FBN3: variants seen among roughly 807,000 people sequenced by gnomAD.
The protein encoded by FBN3 is fibrillin-3.
FBN3 carries 234 observed loss-of-function variants against 330.1 expected under a neutral mutation model. That is an observed-to-expected ratio of 0.71 (90% CI 0.64 to 0.79). The LOEUF is 0.79. Among genes scored for constraint, FBN3 ranks in the 30% least tolerant of loss-of-function variants. The pLI is 0.00. For missense variants in FBN3, 3,606 were observed against 3,886.9 expected (o/e 0.93, Z 1.92); for synonymous variants, 1,458 against 1,517.3 (o/e 0.96, Z 0.91).
chr19:8,124,520 G>C (rs2144918905), intron 22 of FBN3, among the ~76,000 whole-genome samples: 1 of 147,770 alleles, frequency 6.8e-6, no homozygotes, highest in East Asian at 2.0e-4. Context: ...TTACAGGTGT[G>C]AGCTACCGTG....
rs369311659 is a variant in FBN3, at chr19:8,086,465, A to ATTT, written c.6755-141_6755-140insAAA. The ATTT allele has an allele frequency of 5.1e-3, 1,452 of 287,506 alleles. 22 individuals carry two copies. The highest frequency in any genetic ancestry group is 0.024 in the African/African-American group (985 of 41,496). 17.8% of individuals were successfully genotyped at this position (287,506 alleles called of 1,614,324 possible). ...ATTTATTTTTATTATTATTATTATT[A>ATTT]TTATTTTTTGAGACAGAGTCTCGCT... On this transcript the variant is annotated intron_variant, in intron 54 of 63. Coordinates refer to ENST00000600128, the MANE Select transcript of FBN3 (RefSeq NM_032447.5).
Position 8,103,567 on chromosome 19 carries a change from C to A in FBN3, c.4934G>T (p.Cys1645Phe). ...EYLQVNGGNNCMDMRKSVCFR... is the reference protein window; with the variant it reads ...EYLQVNGGNNFMDMRKSVCFR... ...TAGGTCATCACGCTTCTTACCCATG[C>A]AGTTGTTGCCACCATTGACTTGGAG... The change falls in exon 39 of 64, where the codon TGC (cysteine) becomes TTC (phenylalanine). Residue 1645 changes from cysteine to phenylalanine, a missense_variant. Transcript: ENST00000600128. The A allele has an allele frequency of 6.2e-7, 1 of 1,613,088 alleles. No homozygotes were observed. Among genetic ancestry groups the A allele is most frequent in the Non-Finnish European group, 8.5e-7 (1 of 1,179,398 alleles).
At chr19:8,127,617 G>A (rs1254911585) in intron 18 of FBN3, among the ~76,000 whole-genome samples, 2 of 152,126 alleles carry the variant, frequency 1.3e-5, no homozygotes, top group Non-Finnish European at 2.9e-5. Context: ...CCTTCTCCTC[G>A]GGCTTGATCA....
intron 5 of FBN3, 151 bp from the exon 6 acceptor site, chr19:8,145,123 G>A (rs947596596): frequency 5.7e-5 from 40 of 697,704 alleles, no homozygotes; most frequent in Non-Finnish European, 7.5e-5. Context: ...CCTGTAATCC[G>A]AGCGCTTTGG....
At chr19:8,084,869 TG>T in intron 56 of FBN3, among the ~76,000 whole-genome samples, 1 of 151,812 alleles carries the variant, frequency 6.6e-6, no homozygotes, top group South Asian at 2.1e-4. Flanking sequence ...ATTACAAGTG[TG>T]AGCCACTGTG....
At chr19:8,089,811 C>A in intron 50 of FBN3, 83 bp downstream of exon 50, 1 of 1,533,450 alleles carries the variant, frequency 6.5e-7, no homozygotes, top group Non-Finnish European at 8.8e-7. Context: ...TCAGGGGGAG[C>A]CTGAAACTCA....
chr19:8,091,667 A>T, intron 47 of FBN3, 77 bp from the exon 48 acceptor site: 1 of 1,540,178 alleles, frequency 6.5e-7, no homozygotes, highest in Non-Finnish European at 8.9e-7. Context: ...AGCTGTGAGA[A>T]GGGACAGATG....
chr19:8,100,837 G>A, intron 41 of FBN3, 64 bp downstream of exon 41: 2 of 1,276,752 alleles, frequency 1.6e-6, no homozygotes, highest in East Asian at 4.7e-5. Context: ...AGGAGGGGAG[G>A]GGTGGGAGGA....
Position 8,088,187 on chromosome 19 carries a change from G to A in FBN3, c.6377-8C>T. 1 of 1,582,928 alleles carries A rather than the reference G, an allele frequency of 6.3e-7. No homozygotes were observed. Among genetic ancestry groups the A allele is most frequent in the East Asian group, 2.2e-5 (1 of 44,508 alleles). On this transcript the variant is annotated splice_polypyrimidine_tract_variant and splice_region_variant and intron_variant, in intron 51 of 63. Transcript: ENST00000600128. ...CAGAGCACTCGTCTGTGTCTGGGTGGGAGTAAGGGGGTGGTCAGCACCTGC... is the reference window on the plus strand; with the variant it reads ...CAGAGCACTCGTCTGTGTCTGGGTGAGAGTAAGGGGGTGGTCAGCACCTGC...
rs551707750 is a variant in FBN3 at position 8,087,646 on chromosome 19, G to A, written c.6619+179C>T. 2.5e-5 allele frequency among the ~76,000 whole-genome samples: 3 copies of A among 119,538 alleles called. 1 individual carries two copies. Among genetic ancestry groups the A allele is most frequent in the South Asian group, 5.1e-4 (2 of 3,928 alleles). The allele number at this position is 119,538 out of a possible 152,430, so 78.4% of individuals were successfully genotyped here. On this transcript the variant is annotated intron_variant, in intron 53 of 63. Coordinates refer to ENST00000600128, the MANE Select transcript of FBN3 (RefSeq NM_032447.5). ...TTTGAGGCGGAGTTTTGCTCTTGTC[G>A]CCCAGGCTGGAGTGCAGTGGCATGA...
intron 23 of FBN3, 71 bp downstream of exon 23, chr19:8,123,713 A>T: frequency 6.3e-7 from 1 of 1,594,054 alleles, no homozygotes; most frequent in South Asian, 1.1e-5. Context: ...CACACTTCCC[A>T]TCTCCAGGCT....
At position 8,138,000 on chromosome 19, in the gene FBN3, C is replaced by T. The variant is rs976857746; in HGVS notation, c.1201+141G>A. 3.7e-5 allele frequency: 35 copies of T among 943,450 alleles called. No homozygotes were observed. In the Admixed American group the frequency reaches 1.0e-3, roughly 27 times the overall value. The allele number at this position is 943,450 out of a possible 1,614,324, so 58.4% of individuals were successfully genotyped here. A position where few individuals can be genotyped will look rare whatever the true frequency, so the allele number is the denominator to read the frequency against. On this transcript the variant is annotated intron_variant, in intron 10 of 63. Coordinates refer to ENST00000600128, the MANE Select transcript of FBN3 (RefSeq NM_032447.5). ...TCCACTACTAGCACTGTCATCCCTA[C>T]TAGCCAGGCCAGGAGTTCCCCCTCC...
chr19:8,112,039 A>T lies in FBN3; in HGVS notation c.3899T>A (p.Ile1300Asn). Residue 1300 changes from isoleucine to asparagine, a missense_variant, in exon 31 of 64, where the codon ATC becomes AAC. Transcript: ENST00000600128. ...GCACCTACAGCTGAAACTCCCCGGG[A>T]TGTTGAGACAGGAGGCGTGACTGTC... ...NCDSHASCLN[I>N]PGSFSCRCLP... 6.2e-7 allele frequency: 1 copy of T among 1,612,210 alleles called. No homozygotes were observed. The highest frequency in any genetic ancestry group is 1.3e-5 in the African/African-American group (1 of 74,578).
At chr19:8,072,720 G>GCA (rs61403969) in intron 62 of FBN3, among the ~76,000 whole-genome samples, 5,188 of 149,534 alleles carry the variant, frequency 0.035, 206 homozygotes, top group African/African-American at 0.098. Context: ...ATGCGCGCGT[G>GCA]CACACACACA....
Position 8,123,798 on chromosome 19 carries a change from C to G in FBN3, c.2942G>C (p.Arg981Pro), listed in dbSNP as rs147035742. Residue 981 changes from arginine (R) to proline (P), a missense_variant, in exon 23 of 64, where the codon CGA (arginine) becomes CCA (proline). Coordinates refer to ENST00000600128, the MANE Select transcript of FBN3 (RefSeq NM_032447.5). Reference protein sequence around the residue: ...GFASRDFLSGRPFYKDVNECK... With the variant: ...GFASRDFLSGPPFYKDVNECK... ...CCCAACCGCACCTTTATAGAATGGT[C>G]GGCCAGACAGGAAGTCCCGGCTGGC... 2 of 1,613,310 alleles carry G rather than the reference C, an allele frequency of 1.2e-6. No individual in the cohort carries two copies. Among genetic ancestry groups the G allele is most frequent in the Non-Finnish European group, 1.7e-6 (2 of 1,179,918 alleles).
At chr19:8,148,161 T>C (rs2083595388) in intron 1 of FBN3, among the ~76,000 whole-genome samples, 2 of 151,670 alleles carry the variant, frequency 1.3e-5, no homozygotes, top group African/African-American at 4.8e-5. Flanking sequence ...CTGCAATGCC[T>C]GGCCCCACCT....
chr19:8,113,602 G>A (rs981946259), intron 30 of FBN3, among the ~76,000 whole-genome samples: 7 of 152,098 alleles, frequency 4.6e-5, no homozygotes, highest in Non-Finnish European at 8.8e-5. Context: ...AGGAGGCTGA[G>A]GCTGGGAGGA....
intron 63 of FBN3, among the ~76,000 whole-genome samples, chr19:8,068,039 G>A (rs1031741912): frequency 4.0e-5 from 6 of 151,846 alleles, no homozygotes; most frequent in African/African-American, 1.5e-4. Flanking sequence ...TTCTAGCCTG[G>A]GTGACAGAGT....
intron 5 of FBN3, 113 bp downstream of exon 5, chr19:8,145,730 T>A: frequency 2.7e-5 from 15 of 556,870 alleles, no homozygotes; most frequent in Non-Finnish European, 4.1e-5. Flanking sequence ...TCCCCTGCAA[T>A]CTCCAGTCCA....
Sources: gnomAD v4.1 joint callset for allele counts (sites outside exome capture counted in the v4.1 genomes callset) on GRCh38, gnomAD v4.1.1 for gene constraint, MANE v1.5 for transcripts, NCBI Gene and HGNC (gene_info 2026-07-23, HGNC 2026-07-21) for gene names.